CLDN14: variants seen among roughly 807,000 people sequenced by gnomAD.
CLDN14 encodes claudin 14, also known as claudin-14.
A neutral mutation model predicts 2.1 loss-of-function variants in CLDN14; 2 were observed. That is an observed-to-expected ratio of 0.96 (90% CI 0.39 to 3.01). The LOEUF (loss-of-function observed/expected upper bound fraction) is 3.01, where lower values mean the gene tolerates loss of function less well. Among genes scored for constraint, CLDN14 ranks in the 30% most tolerant of loss-of-function variants. The pLI is 0.09. For synonymous variants in CLDN14, 136 were observed against 154.4 expected (o/e 0.88, Z 0.88); for missense variants, 298 against 328.0 (o/e 0.91, Z 0.71).
intron 1 of CLDN14, among the ~76,000 whole-genome samples, chr21:36,465,844 G>A (rs138790694): frequency 1.3e-5 from 2 of 152,210 alleles, no homozygotes; most frequent in African/African-American, 2.4e-5. Flanking sequence ...GAAAGCCCTC[G>A]ACAGGCTGAG....
At chr21:36,511,112 C>T (rs149811063) in intron 1 of CLDN14, among the ~76,000 whole-genome samples, 198 of 152,282 alleles carry the variant, frequency 1.3e-3, no homozygotes, top group African/African-American at 4.4e-3. Flanking sequence ...GGCAGAAACA[C>T]GGAGGGAGGC....
intron 1 of CLDN14, among the ~76,000 whole-genome samples, chr21:36,534,431 G>C (rs1327620820): frequency 8.5e-5 from 13 of 152,166 alleles, no homozygotes; most frequent in Admixed American, 8.5e-4. Context: ...GAACTTCAAA[G>C]CTCTTTGACA....
At chr21:36,478,954 TGA>T (rs796650447) in intron 1 of CLDN14, among the ~76,000 whole-genome samples, 2 of 152,154 alleles carry the variant, frequency 1.3e-5, no homozygotes, top group African/African-American at 4.8e-5. Flanking sequence ...TTACCCTCAT[TGA>T]GAGAGATCTA....
chr21:36,556,345 G>A (rs1205181853), intron 1 of CLDN14, among the ~76,000 whole-genome samples: 1 of 152,186 alleles, frequency 6.6e-6, no homozygotes, highest in East Asian at 1.9e-4. Flanking sequence ...GATGGATGAA[G>A]AATCAGGTGG....
intron 1 of CLDN14, among the ~76,000 whole-genome samples, chr21:36,554,070 C>T (rs997934326): frequency 1.3e-5 from 2 of 152,116 alleles, no homozygotes; most frequent in Non-Finnish European, 2.9e-5. Flanking sequence ...GTGCCTTGCC[C>T]CTGCCCAAGT....
At chr21:36,572,074 T>A (rs1054408494) in intron 1 of CLDN14, among the ~76,000 whole-genome samples, 2 of 152,220 alleles carry the variant, frequency 1.3e-5, no homozygotes, top group African/African-American at 4.8e-5. Flanking sequence ...GGCTTTATTT[T>A]ATAAGTGTGT....
chr21:36,536,361 G>A (rs986260156), intron 1 of CLDN14, among the ~76,000 whole-genome samples: 2 of 152,156 alleles, frequency 1.3e-5, no homozygotes, highest in Admixed American at 1.3e-4. Flanking sequence ...AAGTTACCTC[G>A]ACTGAACTCA....
chr21:36,488,278 T>TTCC (rs1568854960), intron 2 of CLDN14, among the ~76,000 whole-genome samples: 72 of 40,666 alleles, frequency 1.8e-3, no homozygotes, highest in African/African-American at 6.5e-3. Flanking sequence ...TCCTTCCCTC[T>TTCC]CTCTTTCTTT....
At chr21:36,553,337 C>T (rs1263012797) in intron 1 of CLDN14, among the ~76,000 whole-genome samples, 2 of 152,112 alleles carry the variant, frequency 1.3e-5, no homozygotes, top group Non-Finnish European at 2.9e-5. Flanking sequence ...GGGTAGATTT[C>T]AACACAGGAG....
At chr21:36,463,904 G>A (rs1178882313) in intron 1 of CLDN14, among the ~76,000 whole-genome samples, 1 of 152,178 alleles carries the variant, frequency 6.6e-6, no homozygotes, top group African/African-American at 2.4e-5. Flanking sequence ...TTCTGTCCTG[G>A]TGAATGAACA....
intron 1 of CLDN14, among the ~76,000 whole-genome samples, chr21:36,566,709 T>C (rs1203669991): frequency 1.3e-5 from 2 of 152,240 alleles, no homozygotes; most frequent in African/African-American, 4.8e-5. Context: ...CGTTTTCTTA[T>C]GTGCACATCA....
At chr21:36,538,819 G>C (rs561198276) in intron 1 of CLDN14, among the ~76,000 whole-genome samples, 41 of 152,236 alleles carry the variant, frequency 2.7e-4, no homozygotes, top group Non-Finnish European at 2.9e-5. Context: ...CCAGTACCAA[G>C]TCTTCCTAAC....
intron 1 of CLDN14, among the ~76,000 whole-genome samples, chr21:36,563,535 A>G (rs2099780366): frequency 6.6e-6 from 1 of 152,218 alleles, no homozygotes; most frequent in East Asian, 1.9e-4. Context: ...GAGGTTTACA[A>G]TCCTTACAGT....
At chr21:36,509,756 C>T (rs2087168508) in intron 2 of CLDN14, among the ~76,000 whole-genome samples, 1 of 152,082 alleles carries the variant, frequency 6.6e-6, no homozygotes, top group South Asian at 2.1e-4. Context: ...CCACCACACC[C>T]AGCTAATTTT....
chr21:36,474,192 C>T (rs1203467479), intron 1 of CLDN14, among the ~76,000 whole-genome samples: 1 of 152,210 alleles, frequency 6.6e-6, no homozygotes, highest in Non-Finnish European at 1.5e-5. Context: ...AAAAAAGTGA[C>T]ATCTTCTATT....
intron 1 of CLDN14, among the ~76,000 whole-genome samples, chr21:36,572,777 A>G (rs963116312): frequency 6.6e-5 from 10 of 152,130 alleles, no homozygotes; most frequent in Non-Finnish European, 1.3e-4. Context: ...ACTTAAACTA[A>G]GCTTTAGTTT....
chr21:36,475,015 G>A (rs1008276033), intron 1 of CLDN14, among the ~76,000 whole-genome samples: 2 of 152,186 alleles, frequency 1.3e-5, no homozygotes, highest in African/African-American at 4.8e-5. Flanking sequence ...GCACAGAGGA[G>A]GAGACCATGG....
intron 1 of CLDN14, among the ~76,000 whole-genome samples, chr21:36,542,047 TC>T: frequency 6.6e-6 from 1 of 152,220 alleles, no homozygotes; most frequent in South Asian, 2.1e-4. Flanking sequence ...ATCCTTTGCT[TC>T]CCAGGTTCAA....
At chr21:36,527,866 T>A (rs555543735) in intron 1 of CLDN14, among the ~76,000 whole-genome samples, 155 of 152,316 alleles carry the variant, frequency 1.0e-3, no homozygotes, top group African/African-American at 3.3e-3. Context: ...TTAAAACATT[T>A]AAGCTCTGGT....
Sources: allele counts gnomAD v4.1 joint callset (sites outside exome capture counted in the v4.1 genomes callset), GRCh38; gene constraint gnomAD v4.1.1; transcripts MANE v1.5; gene names NCBI Gene and HGNC (gene_info 2026-07-23, HGNC 2026-07-21).